COPB2: variants seen among roughly 807,000 people sequenced by gnomAD.
COPB2 encodes coat protein complex I subunit beta 2, also known as coatomer subunit beta'.
Under a neutral mutation model 120.8 loss-of-function variants are expected in COPB2, and 16 were observed. The ratio of observed to expected loss-of-function variants is 0.13; its 90% CI spans 0.09 to 0.20. COPB2 has a LOEUF of 0.20. Ranked by LOEUF, COPB2 falls within the 10% of genes least tolerant of loss-of-function variation. The probability of loss-of-function intolerance (pLI) is 1.00; values close to 1 mark genes in which losing one functional copy is unlikely to be tolerated. For missense variants in COPB2, 794 were observed against 1,076.5 expected, an observed-to-expected ratio of 0.74 and a Z score of 3.67; for synonymous variants, 332 against 366.3, an observed-to-expected ratio of 0.91 and a Z score of 1.07.
At chr3:139,381,362 T>C (rs925161916) in intron 2 of COPB2, 3 of 152,200 alleles carry the variant, frequency 2.0e-5, no homozygotes, top group Admixed American at 2.0e-4. Flanking sequence ...TCTCAAGAAT[T>C]TGCTCTCAAT....
At chr3:139,386,366 G>A (rs927443166) in intron 1 of COPB2, among the ~76,000 whole-genome samples, 3 of 151,798 alleles carry the variant, frequency 2.0e-5, no homozygotes, top group African/African-American at 7.3e-5. Context: ...AAGGGATTCT[G>A]CCTCAGCCTC....
intron 12 of COPB2, among the ~76,000 whole-genome samples, chr3:139,368,750 T>TTTACACTC (rs1941569036): frequency 6.6e-6 from 1 of 152,174 alleles, no homozygotes; most frequent in Admixed American, 6.6e-5. Flanking sequence ...CAAGTCAATG[T>TTTACACTC]TTACACCCAC....
intron 1 of COPB2, among the ~76,000 whole-genome samples, chr3:139,386,279 CAG>C (rs11452764): frequency 0.16 from 23,585 of 151,016 alleles, 3,820 homozygotes; most frequent in East Asian, 0.86. Flanking sequence ...TTTTTTGAGA[CAG>C]AGTCTTGCTC....
rs1942015872 is a variant in COPB2, at chr3:139,389,616, C to T, written c.-66G>A. On this transcript the variant is annotated 5_prime_UTR_variant, in exon 1 of 22. Transcript: ENST00000333188. ...GGCTACTCAGGCCTTGAGATAAACCCACCGATCCACTGACCGTCAGACTGA... is the reference window on the plus strand; with the variant it reads ...GGCTACTCAGGCCTTGAGATAAACCTACCGATCCACTGACCGTCAGACTGA... 4 of 1,471,920 alleles carry T rather than the reference C, an allele frequency of 2.7e-6. No homozygotes were observed. The highest frequency in any genetic ancestry group is 1.9e-5 in the Admixed American group (1 of 52,646). 91.2% of individuals were successfully genotyped at this position (1,471,920 alleles called of 1,614,324 possible).
chr3:139,370,505 G>A (rs746072808), intron 10 of COPB2, among the ~76,000 whole-genome samples: 19 of 152,212 alleles, frequency 1.2e-4, no homozygotes, highest in Non-Finnish European at 2.1e-4. Flanking sequence ...CAGATCGGGG[G>A]ATCGCTGTAC....
rs1448995370 is a variant in COPB2, at chr3:139,374,477, C to T, written c.751+12G>A. ...TTACTAGCACAGGAATAAACATACCCTTCTAACTTACCATCTTCTGAACCT... is the reference window on the plus strand; with the variant it reads ...TTACTAGCACAGGAATAAACATACCTTTCTAACTTACCATCTTCTGAACCT... On this transcript the variant is annotated intron_variant, in intron 7 of 21. Transcript: ENST00000333188. The T allele has an allele frequency of 6.2e-7, 1 of 1,609,932 alleles. No individual in the cohort carries two copies. The highest frequency in any genetic ancestry group is 1.7e-5 in the Admixed American group (1 of 60,008).
intron 1 of COPB2, among the ~76,000 whole-genome samples, chr3:139,383,822 G>A: frequency 7.3e-6 from 1 of 137,806 alleles, no homozygotes; most frequent in South Asian, 2.4e-4. Flanking sequence ...AATAAATCCA[G>A]TACATGTTAA....
rs1215763507 is a variant in COPB2 at position 139,379,480 on chromosome 3, C to T, written c.142-14G>A. 1 of 1,599,682 alleles carries T rather than the reference C, an allele frequency of 6.3e-7. No individual in the cohort carries two copies. Among genetic ancestry groups the T allele is most frequent in the Non-Finnish European group, 8.6e-7 (1 of 1,169,042 alleles). Reference sequence around the variant, plus strand: ...CTTCACCAGTGTCTTTAAAATGTAACAAGAATACACAAATTGAGCTATAAG... The same window carrying T: ...CTTCACCAGTGTCTTTAAAATGTAATAAGAATACACAAATTGAGCTATAAG... On this transcript the variant is annotated splice_polypyrimidine_tract_variant and intron_variant, in intron 2 of 21. Coordinates refer to ENST00000333188, the MANE Select transcript of COPB2 (RefSeq NM_004766.3).
intron 16 of COPB2, among the ~76,000 whole-genome samples, chr3:139,362,161 G>A (rs111464504): frequency 1.3e-5 from 2 of 152,016 alleles, no homozygotes; most frequent in Non-Finnish European, 2.9e-5. Flanking sequence ...GCTCACATAA[G>A]ATATGAAAAC....
At chr3:139,382,370 AG>A (rs1941831391) in intron 2 of COPB2, 1 of 152,250 alleles carries the variant, frequency 6.6e-6, no homozygotes, top group Admixed American at 6.5e-5. Context: ...AAGTTTCCTG[AG>A]GCCTCCCAGT....
intron 15 of COPB2, among the ~76,000 whole-genome samples, chr3:139,365,742 T>C (rs1188668116): frequency 1.3e-5 from 2 of 151,842 alleles, no homozygotes. Flanking sequence ...CACAGGTACA[T>C]AGAAAATTAA....
At chr3:139,364,969 TATATC>T (rs1387710216) in intron 15 of COPB2, among the ~76,000 whole-genome samples, 7 of 152,080 alleles carry the variant, frequency 4.6e-5, no homozygotes, top group East Asian at 1.9e-4. Flanking sequence ...AAAACAGAAA[TATATC>T]ATTCATATCT....
chr3:139,370,720 G>A (rs1458553071), intron 10 of COPB2, among the ~76,000 whole-genome samples: 1 of 152,130 alleles, frequency 6.6e-6, no homozygotes, highest in Non-Finnish European at 1.5e-5. Flanking sequence ...GCTTTGCTCA[G>A]GACAGGAAAG....
At position 139,388,050 on chromosome 3, in the gene COPB2, A is replaced by G. The variant is rs1363771135; in HGVS notation, c.3+1498T>C. 2.0e-5 allele frequency among the ~76,000 whole-genome samples: 3 copies of G among 152,220 alleles called. No individual in the cohort carries two copies. The South Asian group carries it at 6.2e-4, about 31-fold the overall frequency. On this transcript the variant is annotated intron_variant, in intron 1 of 21. Coordinates refer to ENST00000333188, the MANE Select transcript of COPB2 (RefSeq NM_004766.3). ...TTTCCACAAAGGATTTAAAATATAT[A>G]AAGAATGAAGGCAATATTTCATTAT...
Position 139,373,396 on chromosome 3 carries a change from G to A in COPB2, c.911C>T (p.Pro304Leu). The change falls in exon 9 of 22, where the codon CCT (proline) becomes CTT (leucine). Residue 304 changes from proline (P) to leucine (L), a missense_variant. Around this residue, in one of 3 missense-constraint regions of COPB2, gnomAD observed 610 missense variants for 866.7 expected, o/e 0.70. Transcript: ENST00000333188. ...TCCATTGGCATCCATGGACATGGCA[G>A]GTTCCTCCCGACCAAGCTGAAAGAA... The part of the protein sequence containing the change: ...SIIVKLGREE[P>L]AMSMDANGKI... 6.2e-7 allele frequency: 1 copy of A among 1,614,104 alleles called. No homozygotes were observed. Among genetic ancestry groups the A allele is most frequent in the Non-Finnish European group, 8.5e-7 (1 of 1,180,016 alleles).
At chr3:139,378,614 C>T (rs940115026) in intron 4 of COPB2, among the ~76,000 whole-genome samples, 1 of 152,268 alleles carries the variant, frequency 6.6e-6, no homozygotes, top group African/African-American at 2.4e-5. Flanking sequence ...AAAAACATTT[C>T]AAAGAGCTAT....
intron 17 of COPB2, among the ~76,000 whole-genome samples, chr3:139,360,684 C>T (rs1941402446): frequency 6.6e-6 from 1 of 152,126 alleles, no homozygotes. Context: ...GCATACTTAT[C>T]CCCTTTTGTT....
At chr3:139,388,344 C>T (rs1032659077) in intron 1 of COPB2, 3 of 145,828 alleles carry the variant, frequency 2.1e-5, no homozygotes, top group Non-Finnish European at 3.0e-5. Flanking sequence ...CACGCAAATC[C>T]GTGAAGCGTT....
At position 139,360,466 on chromosome 3, in the gene COPB2, C is replaced by T. The variant is rs138991676; in HGVS notation, c.2210+615G>A. ...GAGGGAGACAGAGGCTGCAATTAGC[C>T]GAGATCATGCCACTGCACTCCAGCC... On this transcript the variant is annotated intron_variant, in intron 17 of 21. Coordinates refer to ENST00000333188, the MANE Select transcript of COPB2 (RefSeq NM_004766.3). 2.3e-3 allele frequency among the ~76,000 whole-genome samples: 324 copies of T among 140,624 alleles called. 2 individuals are homozygous for T. Among genetic ancestry groups the T allele is most frequent in the Middle Eastern group, 4.3e-3 (1 of 230 alleles). 92.3% of individuals were successfully genotyped at this position (140,624 alleles called of 152,430 possible). A position where few individuals can be genotyped will look rare whatever the true frequency, so the allele number is the denominator to read the frequency against.
Sources: allele counts gnomAD v4.1 joint callset (sites outside exome capture counted in the v4.1 genomes callset), GRCh38; gene constraint gnomAD v4.1.1; regional missense constraint gnomAD v4.1.1; transcripts MANE v1.5; gene names NCBI Gene and HGNC (gene_info 2026-07-23, HGNC 2026-07-21).